RGS6: variants seen among roughly 807,000 people sequenced by gnomAD.
RGS6 encodes the protein regulator of G-protein signaling 6.
RGS6 carries 30 observed loss-of-function variants against 78.5 expected under a neutral mutation model. The observed-to-expected ratio is 0.38, with a 90% CI of 0.29 to 0.52. The LOEUF (loss-of-function observed/expected upper bound fraction) is 0.52, where lower values mean the gene tolerates loss of function less well. Ranked by LOEUF, RGS6 falls within the 20% of genes least tolerant of loss-of-function variation. RGS6 has a pLI of 0.85. For synonymous variants in RGS6, 206 were observed against 206.0 expected (o/e 1.00, Z 0.00); for missense variants, 495 against 609.7 (o/e 0.81, Z 1.98).
intron 16 of RGS6, among the ~76,000 whole-genome samples, chr14:72,539,816 C>T (rs1213514119): frequency 1.3e-5 from 2 of 152,242 alleles, no homozygotes; most frequent in Admixed American, 1.3e-4. Context: ...CTCTCTGCTC[C>T]CTGCTCCAAG....
chr14:72,354,067 C>T (rs1299461062), intron 3 of RGS6, among the ~76,000 whole-genome samples: 1 of 152,032 alleles, frequency 6.6e-6, no homozygotes, highest in Admixed American at 6.6e-5. Flanking sequence ...GTATATTAAC[C>T]TAAAAAATAA....
At chr14:72,050,225 A>G (rs865781360) in intron 2 of RGS6, among the ~76,000 whole-genome samples, 17 of 152,380 alleles carry the variant, frequency 1.1e-4, no homozygotes, top group African/African-American at 3.6e-4. Flanking sequence ...TACAGCTAGT[A>G]TGGTGACAAC....
chr14:72,156,511 G>A (rs2096774302), intron 2 of RGS6, among the ~76,000 whole-genome samples: 1 of 151,062 alleles, frequency 6.6e-6, no homozygotes, highest in Non-Finnish European at 1.5e-5. Context: ...ATAAAACAGA[G>A]TTGTGATACA....
intron 3 of RGS6, among the ~76,000 whole-genome samples, chr14:72,448,000 C>T (rs35673401): frequency 0.013 from 2,051 of 152,288 alleles, 19 homozygotes; most frequent in Non-Finnish European, 0.02. Context: ...AGGAAATAAA[C>T]GCACAGGGCC....
chr14:72,620,939 G>A, the RGS6 span, among the ~76,000 whole-genome samples: 13 of 152,248 alleles, frequency 8.5e-5, no homozygotes, highest in African/African-American at 2.9e-4. Context: ...TCTGGAGTTC[G>A]AGACCAGCTT....
chr14:72,517,500 G>C (rs2096965433), intron 14 of RGS6, among the ~76,000 whole-genome samples: 1 of 152,218 alleles, frequency 6.6e-6, no homozygotes, highest in South Asian at 2.1e-4. Context: ...CGGATGCTGA[G>C]GGATTAAACA....
chr14:71,875,950 C>T, the RGS6 span, among the ~76,000 whole-genome samples: 2 of 152,108 alleles, frequency 1.3e-5, no homozygotes, highest in Non-Finnish European at 2.9e-5. Context: ...TGTAGTTGAG[C>T]AGTTTTGAGT....
intron 2 of RGS6, among the ~76,000 whole-genome samples, chr14:71,982,458 C>G (rs768920312): frequency 3.4e-4 from 52 of 152,142 alleles, no homozygotes; most frequent in Non-Finnish European, 6.6e-4. Context: ...AATGGATTAC[C>G]TTAATCAAGT....
At chr14:72,309,909 G>T (rs200892570) in intron 2 of RGS6, among the ~76,000 whole-genome samples, 2 of 152,180 alleles carry the variant, frequency 1.3e-5, no homozygotes, top group Non-Finnish European at 2.9e-5. Context: ...CTGTTAGTTT[G>T]TCCCAATCTT....
intron 2 of RGS6, among the ~76,000 whole-genome samples, chr14:72,161,137 G>A (rs1395076331): frequency 1.3e-5 from 2 of 152,114 alleles, no homozygotes; most frequent in Non-Finnish European, 2.9e-5. Flanking sequence ...AAACTAACGC[G>A]AGAACAGAAA....
intron 2 of RGS6, among the ~76,000 whole-genome samples, chr14:72,229,823 A>C (rs7144256): frequency 6.6e-6 from 1 of 152,124 alleles, no homozygotes; most frequent in Non-Finnish European, 1.5e-5. Context: ...CATGCTCTTC[A>C]TGGTGTGGTT....
At chr14:72,019,600 C>G (rs1390425171) in intron 2 of RGS6, among the ~76,000 whole-genome samples, 1 of 74,262 alleles carries the variant, frequency 1.3e-5, no homozygotes, top group South Asian at 6.5e-4. Context: ...CTCAGGTTTA[C>G]TAAGACATGT....
chr14:72,071,845 G>A (rs933687339), intron 2 of RGS6, among the ~76,000 whole-genome samples: 3 of 152,188 alleles, frequency 2.0e-5, no homozygotes, highest in Middle Eastern at 6.8e-3. Context: ...ATGTTTTCAC[G>A]ATGTCTTGTA....
At position 72,124,293 on chromosome 14, in the gene RGS6, A is replaced by G. The variant is rs143737181; in HGVS notation, c.84+159418A>G. Among the ~76,000 whole-genome samples, 253 of 152,354 alleles carry G rather than the reference A, an allele frequency of 1.7e-3. 1 individual carries two copies. The highest frequency in any genetic ancestry group is 5.5e-3 in the African/African-American group (228 of 41,584). On this transcript the variant is annotated intron_variant, in intron 2 of 17. Transcript: ENST00000553525. ...CATTTTTCATTTTAGAAACTCCCAG[A>G]GATCTCATCAATTTAACCTGCCTTG...
At position 72,269,567 on chromosome 14, in the gene RGS6, ATTTTTTTT is replaced by A. The variant is rs56171281; in HGVS notation, c.85-82508_85-82501del. Among the ~76,000 whole-genome samples the A allele has an allele frequency of 2.9e-4, 35 of 120,372 alleles. 1 individual carries two copies. The highest frequency in any genetic ancestry group is 8.2e-4 in the African/African-American group (25 of 30,428). The allele number at this position is 120,372 out of a possible 152,430, so 79.0% of individuals were successfully genotyped here. On this transcript the variant is annotated intron_variant, in intron 2 of 17. Coordinates refer to ENST00000553525, the MANE Select transcript of RGS6 (RefSeq NM_001204424.2). ...GTTTTTACAGTGAAACCTATCTTAA[ATTTTTTTT>A]TTTTTTTTTTTTTTTTTTTGAGACA...
At chr14:72,008,881 CT>C (rs2085114708) in intron 2 of RGS6, among the ~76,000 whole-genome samples, 1 of 152,250 alleles carries the variant, frequency 6.6e-6, no homozygotes, top group South Asian at 2.1e-4. Flanking sequence ...GCAAAATTGG[CT>C]TGGCTGGCAT....
chr14:72,119,560 A>T (rs2095995716), intron 2 of RGS6, among the ~76,000 whole-genome samples: 1 of 152,198 alleles, frequency 6.6e-6, no homozygotes, highest in Admixed American at 6.5e-5. Flanking sequence ...TTTGGTTTGA[A>T]GATTAGGAAA....
chr14:72,241,535 T>G (rs1477260119), intron 2 of RGS6, among the ~76,000 whole-genome samples: 5 of 152,248 alleles, frequency 3.3e-5, no homozygotes, highest in African/African-American at 1.2e-4. Context: ...GGCATTTTGA[T>G]GTAGTTCCTT....
intron 2 of RGS6, among the ~76,000 whole-genome samples, chr14:72,320,150 T>C (rs1384084953): frequency 6.6e-6 from 1 of 152,210 alleles, no homozygotes; most frequent in Admixed American, 6.5e-5. Context: ...GTAATGCCCA[T>C]GAAGCCCTCA....
Sources: allele counts gnomAD v4.1 joint callset (sites outside exome capture counted in the v4.1 genomes callset), GRCh38; gene constraint gnomAD v4.1.1; transcripts MANE v1.5; gene names NCBI Gene and HGNC (gene_info 2026-07-23, HGNC 2026-07-21).